MYLK: variants seen among roughly 807,000 people sequenced by gnomAD.
The protein encoded by MYLK is myosin light chain kinase.
Under a neutral mutation model 203.4 loss-of-function variants are expected in MYLK, and 106 were observed. The observed-to-expected ratio is 0.52, with a 90% confidence interval of 0.45 to 0.61. The LOEUF (loss-of-function observed/expected upper bound fraction) is 0.61. MYLK is among the 20% of genes least tolerant of loss of function. MYLK has a pLI of 0.00. For synonymous variants in MYLK, 867 were observed against 959.5 expected (o/e 0.90, Z 1.78); for missense variants, 2,072 against 2,442.3 (o/e 0.85, Z 3.20).
chr3:123,617,028 C>T (rs565959808), intron 33 of MYLK: 11 of 151,922 alleles, frequency 7.2e-5, no homozygotes, highest in African/African-American at 1.7e-4. Context: ...ATTGTTTTTT[C>T]GAAGTAATTA....
chr3:123,803,995 G>GTA (rs2065284600), intron 3 of MYLK, among the ~76,000 whole-genome samples: 1 of 152,230 alleles, frequency 6.6e-6, no homozygotes, highest in Admixed American at 6.5e-5. Flanking sequence ...TAGTTGCCAT[G>GTA]TATTTAGCAC....
At position 123,739,959 on chromosome 3, in the gene MYLK, G is replaced by T; in HGVS notation, c.416C>A (p.Thr139Asn). The change falls in exon 6 of 34, where the codon ACC becomes AAC. Residue 139 changes from threonine to asparagine, a missense_variant. Thr to Asn is a moderately conservative substitution (Grantham distance 65, BLOSUM62 0). Transcript: ENST00000360304. The stretch of plus-strand genomic sequence containing the variant: ...TTGAACATCCAGGACTTACCCTAAG[G>T]TTTTGGAAACAACAGGCTGACCAAG... ...KQLGQPVVSKTLGDRFSAPAV... is the reference protein window; with the variant it reads ...KQLGQPVVSKNLGDRFSAPAV... 6.2e-7 allele frequency: 1 copy of T among 1,613,934 alleles called. No homozygotes were observed. Among genetic ancestry groups the T allele is most frequent in the Non-Finnish European group, 8.5e-7 (1 of 1,179,830 alleles).
chr3:123,827,715 AT>A (rs1560268995), intron 3 of MYLK, among the ~76,000 whole-genome samples: 32 of 85,414 alleles, frequency 3.7e-4, no homozygotes, highest in African/African-American at 1.6e-3. Flanking sequence ...ATATATATAT[AT>A]ATATATATAT....
intron 5 of MYLK, among the ~76,000 whole-genome samples, chr3:123,743,762 T>C (rs1320678559): frequency 6.6e-6 from 1 of 152,148 alleles, no homozygotes; most frequent in Non-Finnish European, 1.5e-5. Flanking sequence ...CCTAGCTCTG[T>C]TTGTCAGGTG....
At chr3:123,833,134 A>G (rs2066386486) in intron 2 of MYLK, among the ~76,000 whole-genome samples, 1 of 152,064 alleles carries the variant, frequency 6.6e-6, no homozygotes, top group African/African-American at 2.4e-5. Flanking sequence ...GTGTCAGCAG[A>G]AAGTTCATTT....
chr3:123,837,085 G>A (rs1366698397), intron 2 of MYLK, among the ~76,000 whole-genome samples: 1 of 152,090 alleles, frequency 6.6e-6, no homozygotes, highest in Non-Finnish European at 1.5e-5. Context: ...TGTTGCCCAG[G>A]CTGGAGTGCA....
chr3:123,701,009 C>G lies in MYLK; in HGVS notation c.2463-4G>C. ...GCAGCTGGCAGGCTCCCTCCCCCTG[C>G]AACCAGTGTAGGGAAAAAGGAAAGT... On this transcript the variant is annotated splice_region_variant and splice_polypyrimidine_tract_variant and intron_variant, in intron 17 of 33. Coordinates refer to ENST00000360304, the MANE Select transcript of MYLK (RefSeq NM_053025.4). 6.3e-7 allele frequency: 1 copy of G among 1,598,012 alleles called. No individual in the cohort carries two copies. The highest frequency in any genetic ancestry group is 8.5e-7 in the Non-Finnish European group (1 of 1,177,504).
Position 123,626,874 on chromosome 3 carries a change from CCTCCATGTTCTTGGT to C in MYLK, c.5167_5181del (p.Thr1723_Glu1727del). 1 of 1,614,234 alleles carries C rather than the reference CCTCCATGTTCTTGGT, an allele frequency of 6.2e-7. No individual in the cohort carries two copies. Among genetic ancestry groups the C allele is most frequent in the Non-Finnish European group, 8.5e-7 (1 of 1,180,042 alleles). ...ATCCGGTCCTTGGAGAGTTTCTTGG[CCTCCATGTTCTTGGT>C]ATCTTTCATTAGCCATGGATGCTGA... On this transcript the variant is annotated inframe_deletion, in exon 31 of 34. Coordinates refer to ENST00000360304, the MANE Select transcript of MYLK (RefSeq NM_053025.4).
At chr3:123,833,547 C>A (rs2066400757) in intron 2 of MYLK, among the ~76,000 whole-genome samples, 1 of 152,216 alleles carries the variant, frequency 6.6e-6, no homozygotes, top group Middle Eastern at 3.4e-3. Flanking sequence ...CGGGAGGCCC[C>A]TGGGTGCTCT....
At position 123,848,966 on chromosome 3, in the gene MYLK, T is replaced by C. The variant is rs111559557; in HGVS notation, c.-126-17296A>G. 6.6e-3 allele frequency among the ~76,000 whole-genome samples: 1,000 copies of C among 152,282 alleles called. 9 individuals are homozygous for C. The highest frequency in any genetic ancestry group is 0.02 in the African/African-American group (845 of 41,568). On this transcript the variant is annotated intron_variant, in intron 2 of 33. Transcript: ENST00000360304. ...ATAGTAATACCTATTCAACATGTTA[T>C]CCTTTTCTTTTTGGTAGGAATTGAG... is the stretch of plus-strand genomic sequence containing the variant.
chr3:123,854,691 C>T, intron 2 of MYLK, among the ~76,000 whole-genome samples: 1 of 152,098 alleles, frequency 6.6e-6, no homozygotes, highest in East Asian at 1.9e-4. Flanking sequence ...GAAGCCCAAA[C>T]CTTAGCATCT....
intron 2 of MYLK, among the ~76,000 whole-genome samples, chr3:123,857,803 T>TAAAG (rs759217764): frequency 6.7e-6 from 1 of 149,808 alleles, no homozygotes; most frequent in Non-Finnish European, 1.5e-5. Flanking sequence ...ATAATAATAA[T>TAAAG]AAAGAAAGAA....
At chr3:123,631,296 G>T (rs1026026210) in intron 29 of MYLK, among the ~76,000 whole-genome samples, 2 of 151,952 alleles carry the variant, frequency 1.3e-5, no homozygotes, top group African/African-American at 4.8e-5. Flanking sequence ...TACTCGGGAG[G>T]CTGAGGCAGG....
chr3:123,785,891 G>A (rs900896175), intron 4 of MYLK, among the ~76,000 whole-genome samples: 3 of 152,194 alleles, frequency 2.0e-5, no homozygotes, highest in Non-Finnish European at 4.4e-5. Flanking sequence ...GTAGCCACAT[G>A]TGACTAGTGG....
chr3:123,808,883 A>C (rs9827237), intron 3 of MYLK, among the ~76,000 whole-genome samples: 27,680 of 152,224 alleles, frequency 0.18, 2,971 homozygotes, highest in Non-Finnish European at 0.25. Flanking sequence ...TAGTAGCCAA[A>C]GTTCTCAAAG....
chr3:123,783,382 T>C (rs2064375367), intron 4 of MYLK, among the ~76,000 whole-genome samples: 5 of 152,186 alleles, frequency 3.3e-5, no homozygotes. Flanking sequence ...TTTAGGTGCA[T>C]AAATACTTTT....
At chr3:123,677,918 T>TATATATATATATATATATATATACACAC (rs1273803739) in intron 20 of MYLK, among the ~76,000 whole-genome samples, 2 of 78,918 alleles carry the variant, frequency 2.5e-5, no homozygotes, top group Non-Finnish European at 2.2e-5. Context: ...TATATATATA[T>TATATATATATATATATATATATACACAC]ACACACACAC....
rs150378280 is a variant in MYLK at position 123,726,026 on chromosome 3, G to A, written c.1569C>T (p.Cys523=). Residue 523 remains cysteine, a synonymous_variant, in exon 12 of 34, where the codon TGC becomes TGT. Coordinates refer to ENST00000360304, the MANE Select transcript of MYLK (RefSeq NM_053025.4). ...APSFSSVLKD[C]AVIEGQDFVL... is the part of the protein sequence containing the mutation. Reference sequence around the variant, plus strand: ...CAAAATCCTGGCCCTCAATAACAGCGCAGTCCTTCAGGACACTGGAGAAGG... The same window carrying A: ...CAAAATCCTGGCCCTCAATAACAGCACAGTCCTTCAGGACACTGGAGAAGG... 59 of 1,614,164 alleles carry A rather than the reference G, an allele frequency of 3.7e-5. 1 individual carries two copies. The highest frequency in any genetic ancestry group is 5.3e-5 in the African/African-American group (4 of 75,034).
At chr3:123,701,835 G>T (rs971045932) in intron 16 of MYLK, among the ~76,000 whole-genome samples, 1 of 152,212 alleles carries the variant, frequency 6.6e-6, no homozygotes, top group Non-Finnish European at 1.5e-5. Context: ...AATAAAAGGG[G>T]AAGGAGAAAG....
Sources: allele counts gnomAD v4.1 joint callset (sites outside exome capture counted in the v4.1 genomes callset), GRCh38; gene constraint gnomAD v4.1.1; transcripts MANE v1.5; gene names NCBI Gene and HGNC (gene_info 2026-07-23, HGNC 2026-07-21).